Variants in OTOF observed in about 807,000 individuals in gnomAD.
OTOF encodes the protein otoferlin.
OTOF carries 218 observed loss-of-function variants against 236.8 expected under a neutral mutation model. That is an observed-to-expected ratio of 0.92 (90% CI 0.82 to 1.03). The LOEUF (loss-of-function observed/expected upper bound fraction) is 1.03. Ranked by LOEUF, OTOF falls within the 50% of genes least tolerant of loss-of-function variation. OTOF has a pLI of 0.00. For synonymous variants in OTOF, 1,041 were observed against 1,072.5 expected, an observed-to-expected ratio of 0.97 and a Z score of 0.57; for missense variants, 2,590 against 2,694.4, an observed-to-expected ratio of 0.96 and a Z score of 0.86.
At chr2:26,517,677 G>C (rs10205932) in intron 4 of OTOF, among the ~76,000 whole-genome samples, 56,814 of 151,706 alleles carry the variant, frequency 0.37, 11,408 homozygotes, top group Middle Eastern at 0.5. Context: ...GGAAGTCCTG[G>C]GTCTCCGTGC....
chr2:26,485,248 C>T (rs1242426017), intron 11 of OTOF, among the ~76,000 whole-genome samples: 1 of 152,228 alleles, frequency 6.6e-6, no homozygotes, highest in Non-Finnish European at 1.5e-5. Context: ...TCTCCACCTC[C>T]ACCTGTCTTT....
intron 3 of OTOF, among the ~76,000 whole-genome samples, chr2:26,524,633 T>C (rs1666757695): frequency 6.6e-6 from 1 of 152,268 alleles, no homozygotes; most frequent in South Asian, 2.1e-4. Flanking sequence ...TTTGATGGGC[T>C]CAAGTGTTTC....
At chr2:26,513,687 T>C (rs1330891474) in intron 5 of OTOF, among the ~76,000 whole-genome samples, 1 of 152,172 alleles carries the variant, frequency 6.6e-6, no homozygotes, top group African/African-American at 2.4e-5. Flanking sequence ...CCCTGATCTA[T>C]AAGGGGATTG....
intron 36 of OTOF, 84 bp from the exon 37 acceptor site, chr2:26,466,160 A>G (rs1217991032): frequency 4.5e-6 from 7 of 1,567,138 alleles, no homozygotes; most frequent in South Asian, 3.4e-5. Flanking sequence ...TGAGGGTCCT[A>G]TGACAGTGAA....
In OTOF at chr2:26,516,553, A is replaced by T. The variant is rs746156151; in HGVS notation, c.374T>A (p.Val125Glu). The T allele has an allele frequency of 5.0e-6, 8 of 1,612,070 alleles. No individual in the cohort carries two copies. The Admixed American group carries it at 1.3e-4, about 27-fold the overall frequency. ...GAAGTCCCCATCGTCCCAGGAGCCC[A>T]CTGTGCCGTCAGTGGCCTGATACCG... ...EVRYQATDGT[V>E]GSWDDGDFLG... is the part of the protein sequence containing the mutation. The change falls in exon 5 of 47, where the codon GTG (valine) becomes GAG (glutamate). Residue 125 changes from valine to glutamate, a missense_variant. Physicochemically the swap from Val to Glu is moderately radical, Grantham distance 121. Around this residue, in one of 2 missense-constraint regions of OTOF, gnomAD observed 1,379 missense variants for 1,341.6 expected, o/e 1.03. Transcript: ENST00000272371.
intron 8 of OTOF, among the ~76,000 whole-genome samples, chr2:26,495,999 C>G (rs1043337497): frequency 3.3e-5 from 5 of 152,200 alleles, no homozygotes; most frequent in African/African-American, 1.2e-4. Context: ...GTTTGTATGG[C>G]CAGTGCGGCT....
At chr2:26,550,710 T>C (rs1168117571) in intron 1 of OTOF, among the ~76,000 whole-genome samples, 7 of 152,046 alleles carry the variant, frequency 4.6e-5, no homozygotes, top group Non-Finnish European at 1.5e-5. Flanking sequence ...CGCCGCTCCT[T>C]CCTCTCTCAT....
intron 2 of OTOF, among the ~76,000 whole-genome samples, chr2:26,533,364 G>A (rs376360304): frequency 6.6e-6 from 1 of 152,108 alleles, no homozygotes; most frequent in Non-Finnish European, 1.5e-5. Context: ...TAAAGGCCTG[G>A]GCTCAGTATC....
Position 26,483,632 on chromosome 2 carries a change from C to G in OTOF, c.1222G>C (p.Glu408Gln). The change falls in exon 13 of 47, where the codon GAG becomes CAG. Residue 408 changes from glutamate to glutamine, a missense_variant. Glu to Gln is a conservative substitution (Grantham distance 29). This residue lies in a region of OTOF where 1,379 missense variants were observed against 1,341.6 expected (regional missense o/e 1.03). Coordinates refer to ENST00000272371, the MANE Select transcript of OTOF (RefSeq NM_194248.3). ...DDIEGNLLLP[E>Q]GVPPERQWAR... ...CACTGGCGTTCGGGGGGCACCCCCT[C>G]GGGGAGCAGCAAGTTCCTGCCAGCA... 6.2e-7 allele frequency: 1 copy of G among 1,612,318 alleles called. No individual in the cohort carries two copies. Among genetic ancestry groups the G allele is most frequent in the Non-Finnish European group, 8.5e-7 (1 of 1,179,886 alleles).
Position 26,519,064 on chromosome 2 carries a change from C to T in OTOF, c.273G>A (p.Glu91=). The T allele has an allele frequency of 6.2e-7, 1 of 1,609,752 alleles. No individual in the cohort carries two copies. ...FRMVLQKVVE[E]SHVEVTDTLI... ...GCGTGTCAGTCACCTCCACATGGCT[C>T]TCCTCTACCACCTTCTGCAGCACCA... Residue 91 remains glutamate (E), a synonymous_variant, in exon 4 of 47, where the codon GAG becomes GAA. Coordinates refer to ENST00000272371, the MANE Select transcript of OTOF (RefSeq NM_194248.3).
In OTOF at chr2:26,468,418, G is replaced by T; in HGVS notation, c.4080C>A (p.Asp1360Glu). The T allele has an allele frequency of 6.2e-7, 1 of 1,613,794 alleles. No individual in the cohort carries two copies. The highest frequency in any genetic ancestry group is 8.5e-7 in the Non-Finnish European group (1 of 1,179,710). Reference sequence around the variant, plus strand: ...GGTTCCAGGGCTCACCCTCGGTATTGTCCACTTCCTCCTTCTCCTCCAAGT... The same window carrying T: ...GGTTCCAGGGCTCACCCTCGGTATTTTCCACTTCCTCCTTCTCCTCCAAGT... ...GIDLEEKEEV[D>E]NTEGLKGSMK... Residue 1360 changes from aspartate to glutamate, a missense_variant, in exon 33 of 47, where the codon GAC becomes GAA. Physicochemically the swap from Asp to Glu is conservative, Grantham distance 45. This residue lies in a region of OTOF where 1,211 missense variants were observed against 1,352.8 expected (regional missense o/e 0.90). Coordinates refer to ENST00000272371, the MANE Select transcript of OTOF (RefSeq NM_194248.3).
At position 26,475,152 on chromosome 2, in the gene OTOF, C is replaced by T. The variant is rs559529071; in HGVS notation, c.3126+207G>A. 3.9e-5 allele frequency among the ~76,000 whole-genome samples: 6 copies of T among 152,142 alleles called. No individual in the cohort carries two copies. In the East Asian group the frequency reaches 1.2e-3, roughly 30 times the overall value. On this transcript the variant is annotated intron_variant, in intron 25 of 46. Transcript: ENST00000272371. ...GTAGGAGACAGGAGGTGAGGATGTG[C>T]TGGCCTGGGAAGGGGTCAGGCTGCC...
intron 1 of OTOF, among the ~76,000 whole-genome samples, chr2:26,550,740 A>G (rs1211906398): frequency 6.6e-6 from 1 of 152,114 alleles, no homozygotes; most frequent in African/African-American, 2.4e-5. Flanking sequence ...TGAGGCACTC[A>G]GCCCTCCGCC....
chr2:26,504,752 G>C (rs1321042988), intron 5 of OTOF, among the ~76,000 whole-genome samples: 3 of 152,188 alleles, frequency 2.0e-5, no homozygotes, highest in Non-Finnish European at 4.4e-5. Flanking sequence ...AGCAGGATCA[G>C]CAGAGGGTAA....
intron 14 of OTOF, among the ~76,000 whole-genome samples, chr2:26,481,397 C>G (rs886529809): frequency 6.6e-6 from 1 of 152,194 alleles, no homozygotes. Context: ...GACCCCTCCC[C>G]TCCTTGCTGA....
chr2:26,517,228 TC>T (rs1330723532), intron 4 of OTOF, among the ~76,000 whole-genome samples: 1 of 148,046 alleles, frequency 6.8e-6, no homozygotes, highest in African/African-American at 2.5e-5. Context: ...CTGCTCTGCG[TC>T]CTGGAGCCAT....
intron 1 of OTOF, among the ~76,000 whole-genome samples, chr2:26,552,328 T>C (rs2148136972): frequency 6.6e-6 from 1 of 152,260 alleles, no homozygotes; most frequent in South Asian, 2.1e-4. Flanking sequence ...AGGTTGAGGT[T>C]GCAGTGAACT....
At position 26,479,605 on chromosome 2, in the gene OTOF, C is replaced by T. The variant is rs184605839; in HGVS notation, c.1961G>A (p.Arg654Gln). Residue 654 changes from arginine to glutamine, a missense_variant, in exon 17 of 47, where the codon CGG becomes CAG. By Grantham distance (43) the Arg-to-Gln change is conservative. Coordinates refer to ENST00000272371, the MANE Select transcript of OTOF (RefSeq NM_194248.3). ...CTCATCCCCCGGCTCCTTCCGGGGC[C>T]GAGGCCGCTGGGGCCGGGACAGGCC... is the stretch of plus-strand genomic sequence containing the variant. ...VDGLSRPQRPRPRKEPGDEEE... is the reference protein window; with the variant it reads ...VDGLSRPQRPQPRKEPGDEEE... The T allele has an allele frequency of 3.9e-4, 623 of 1,612,422 alleles. 1 individual carries two copies. The East Asian group carries it at 4.6e-3, about 12-fold the overall frequency.
Position 26,537,768 on chromosome 2 carries a change from G to C in OTOF, c.86C>G (p.Ser29Cys). 1 of 1,553,578 alleles carries C rather than the reference G, an allele frequency of 6.4e-7. No individual in the cohort carries two copies. The highest frequency in any genetic ancestry group is 8.7e-7 in the Non-Finnish European group (1 of 1,147,574). The change falls in exon 2 of 47, where the codon TCC becomes TGC. Residue 29 changes from serine to cysteine, a missense_variant. Physicochemically the swap from Ser to Cys is moderately radical, Grantham distance 112 (BLOSUM62 -1). Around this residue, in one of 2 missense-constraint regions of OTOF, gnomAD observed 1,379 missense variants for 1,341.6 expected, o/e 1.03. Coordinates refer to ENST00000272371, the MANE Select transcript of OTOF (RefSeq NM_194248.3). ...GTTCTCCAGGACCCGAGAGTAGAAG[G>C]ATTGCCCTGTGGGGAAAGAGGAAAT... The part of the protein sequence containing the change: ...RIAKVTFRGQ[S>C]FYSRVLENCE...
Sources: allele counts gnomAD v4.1 joint callset (sites outside exome capture counted in the v4.1 genomes callset), GRCh38; gene constraint gnomAD v4.1.1; regional missense constraint gnomAD v4.1.1; transcripts MANE v1.5; gene names NCBI Gene and HGNC (gene_info 2026-07-23, HGNC 2026-07-21).